Variants in ARHGAP25 observed in about 807,000 individuals in gnomAD.
The protein encoded by ARHGAP25 is rho GTPase-activating protein 25.
In ARHGAP25, 34 loss-of-function variants were observed where a neutral mutation model predicts 71.0. The ratio of observed to expected loss-of-function variants is 0.48; its 90% CI spans 0.36 to 0.64. The LOEUF (loss-of-function observed/expected upper bound fraction) is 0.64. ARHGAP25 is among the 30% of genes least tolerant of loss of function. The pLI is 0.00. For synonymous variants in ARHGAP25, 282 were observed against 296.5 expected, an observed-to-expected ratio of 0.95 and a Z score of 0.50; for missense variants, 706 against 805.1, an observed-to-expected ratio of 0.88 and a Z score of 1.49.
At chr2:68,726,552 C>T (rs1674888655) in intron 2 of ARHGAP25, among the ~76,000 whole-genome samples, 1 of 152,228 alleles carries the variant, frequency 6.6e-6, no homozygotes, top group South Asian at 2.1e-4. Flanking sequence ...GGTAGAGCAC[C>T]AGCAGTAATA....
At chr2:68,822,316 C>T in intron 9 of ARHGAP25, 24 bp from the exon 10 acceptor site, 1 of 1,591,602 alleles carries the variant, frequency 6.3e-7, no homozygotes, top group South Asian at 1.1e-5. Context: ...CCCCATGTGA[C>T]ATCCATGGCC....
rs1028885576 is a variant in ARHGAP25 at position 68,753,191 on chromosome 2, A to G, written c.61+17931A>G. ...TTGGTACCTGTTTCTTGCAACCAAG[A>G]TATTAACTGAGACAATGGGAAAATA... On this transcript the variant is annotated intron_variant, in intron 1 of 10. Transcript: ENST00000409202. Among the ~76,000 whole-genome samples the G allele has an allele frequency of 5.9e-5, 9 of 152,218 alleles. No homozygotes were observed. The East Asian group carries it at 1.3e-3, about 23-fold the overall frequency.
In ARHGAP25 at chr2:68,795,430, G is replaced by A. The variant is rs896052501; in HGVS notation, c.466+7474G>A. On this transcript the variant is annotated intron_variant, in intron 4 of 10. Transcript: ENST00000409202. Reference sequence around the variant, plus strand: ...TGCTATTAACATCCCTCTTTGCACTGCTTTTGCAGTAGCCTACAAGTTTTG... The same window carrying A: ...TGCTATTAACATCCCTCTTTGCACTACTTTTGCAGTAGCCTACAAGTTTTG... 3.3e-5 allele frequency among the ~76,000 whole-genome samples: 5 copies of A among 152,054 alleles called. No individual in the cohort carries two copies. In the South Asian group the frequency reaches 1.0e-3, roughly 31 times the overall value.
At chr2:68,781,466 T>A (rs950128510) in intron 2 of ARHGAP25, among the ~76,000 whole-genome samples, 25 of 152,220 alleles carry the variant, frequency 1.6e-4, no homozygotes, top group African/African-American at 5.5e-4. Context: ...ATGGTGGAAG[T>A]GGCTTGTTTT....
chr2:68,824,749 AC>A (rs1191033410), intron 10 of ARHGAP25, among the ~76,000 whole-genome samples: 8 of 152,204 alleles, frequency 5.3e-5, no homozygotes, highest in South Asian at 4.1e-4. Context: ...CTCAAAAAAA[AC>A]AAAAGGAAAA....
intron 2 of ARHGAP25, among the ~76,000 whole-genome samples, chr2:68,727,474 G>T (rs1353033501): frequency 1.3e-5 from 2 of 152,144 alleles, no homozygotes; most frequent in Non-Finnish European, 2.9e-5. Flanking sequence ...GCCTCAGAGG[G>T]TCTGCCTCTG....
At chr2:68,819,723 G>T (rs910377671) in intron 9 of ARHGAP25, 2 of 511,236 alleles carry the variant, frequency 3.9e-6, no homozygotes, top group Non-Finnish European at 6.9e-6. Context: ...CCCATGAAAC[G>T]TGATTCCTTT....
At chr2:68,738,419 T>G (rs1422191614) in intron 1 of ARHGAP25, among the ~76,000 whole-genome samples, 1 of 152,150 alleles carries the variant, frequency 6.6e-6, no homozygotes, top group African/African-American at 2.4e-5. Context: ...TAGCCCATGG[T>G]GAACTGATTT....
chr2:68,744,485 A>G (rs76510129), intron 1 of ARHGAP25, among the ~76,000 whole-genome samples: 13,937 of 152,212 alleles, frequency 0.092, 748 homozygotes, highest in East Asian at 0.25. Flanking sequence ...AAAGATTAAG[A>G]TTCTGACAGT....
intron 1 of ARHGAP25, among the ~76,000 whole-genome samples, chr2:68,765,398 T>G (rs1677064972): frequency 1.3e-5 from 2 of 152,078 alleles, no homozygotes; most frequent in African/African-American, 4.8e-5. Flanking sequence ...TGAATTTATT[T>G]TTAAGCCTAA....
chr2:68,813,137 G>T (rs940002091), intron 5 of ARHGAP25, 150 bp from the exon 6 acceptor site: 1 of 752,708 alleles, frequency 1.3e-6, no homozygotes, highest in Non-Finnish European at 1.9e-6. Context: ...AAAATGTTTT[G>T]GTCTGATTCT....
chr2:68,810,128 T>TAAAAAAAAAAAATAAA (rs1680674081), intron 5 of ARHGAP25, among the ~76,000 whole-genome samples: 1 of 129,146 alleles, frequency 7.7e-6, no homozygotes, highest in Non-Finnish European at 1.6e-5. Flanking sequence ...AGCCCTTGAT[T>TAAAAAAAAAAAATAAA]AAAAAAAAAA....
chr2:68,764,969 T>G (rs535746072), intron 1 of ARHGAP25, among the ~76,000 whole-genome samples: 1 of 152,294 alleles, frequency 6.6e-6, no homozygotes, highest in East Asian at 1.9e-4. Context: ...GTCATTTTAA[T>G]GGAAATTTGG....
intron 1 of ARHGAP25, among the ~76,000 whole-genome samples, chr2:68,774,481 A>G (rs1677692967): frequency 6.6e-6 from 1 of 152,198 alleles, no homozygotes; most frequent in South Asian, 2.1e-4. Context: ...TCTGAGTTCT[A>G]TTGGCAGTGA....
chr2:68,744,794 A>G (rs1048445947), intron 1 of ARHGAP25, among the ~76,000 whole-genome samples: 4 of 152,236 alleles, frequency 2.6e-5, no homozygotes, highest in African/African-American at 9.6e-5. Context: ...CATTTCCACC[A>G]ATAAATGTGG....
At chr2:68,784,289 G>T (rs534249786) in intron 3 of ARHGAP25, among the ~76,000 whole-genome samples, 1 of 151,852 alleles carries the variant, frequency 6.6e-6, no homozygotes, top group Non-Finnish European at 1.5e-5. Context: ...CATCTTCCAA[G>T]GTTCCACCCA....
intron 3 of ARHGAP25, among the ~76,000 whole-genome samples, chr2:68,784,333 T>G (rs1019589581): frequency 1.3e-5 from 2 of 152,166 alleles, no homozygotes; most frequent in Admixed American, 6.5e-5. Flanking sequence ...TGTTATAACA[T>G]AGAGAATTTT....
chr2:68,763,056 T>G (rs898027825), intron 1 of ARHGAP25, among the ~76,000 whole-genome samples: 1 of 152,246 alleles, frequency 6.6e-6, no homozygotes, highest in East Asian at 1.9e-4. Context: ...TTGATAGAAA[T>G]GCTGATAAAT....
At chr2:68,725,549 T>C (rs2104262099) in intron 2 of ARHGAP25, among the ~76,000 whole-genome samples, 1 of 152,208 alleles carries the variant, frequency 6.6e-6, no homozygotes, top group South Asian at 2.1e-4. Flanking sequence ...CCAAGCTGTT[T>C]AGAATTCCTG....
Sources: gnomAD v4.1 joint callset for allele counts (sites outside exome capture counted in the v4.1 genomes callset) on GRCh38, gnomAD v4.1.1 for gene constraint, MANE v1.5 for transcripts, NCBI Gene and HGNC (gene_info 2026-07-23, HGNC 2026-07-21) for gene names.